SORCS3: variants seen among roughly 807,000 people sequenced by gnomAD.
The protein encoded by SORCS3 is sortilin related VPS10 domain containing receptor 3.
In SORCS3, 57 loss-of-function variants were observed where a neutral mutation model predicts 146.3. That is an observed-to-expected ratio of 0.39 (90% CI 0.31 to 0.49). The LOEUF (loss-of-function observed/expected upper bound fraction) is 0.49, where lower values mean the gene tolerates loss of function less well. SORCS3 is among the 20% of genes least tolerant of loss of function. The pLI is 0.92. For synonymous variants in SORCS3, 653 were observed against 618.5 expected, an observed-to-expected ratio of 1.06 and a Z score of -0.83; for missense variants, 1,341 against 1,575.5, an observed-to-expected ratio of 0.85 and a Z score of 2.52.
intron 2 of SORCS3, among the ~76,000 whole-genome samples, chr10:104,867,683 G>T (rs2133565509): frequency 6.6e-6 from 1 of 152,164 alleles, no homozygotes; most frequent in East Asian, 1.9e-4. Flanking sequence ...CACCCTACAT[G>T]CCCTGCTTGC....
chr10:104,823,213 GA>G (rs1353358741), intron 1 of SORCS3, among the ~76,000 whole-genome samples: 3 of 152,162 alleles, frequency 2.0e-5, no homozygotes, highest in Non-Finnish European at 2.9e-5. Context: ...CCAAGACAGG[GA>G]GGATGCACAA....
chr10:104,862,772 A>C (rs2018418913), intron 2 of SORCS3, among the ~76,000 whole-genome samples: 1 of 152,176 alleles, frequency 6.6e-6, no homozygotes, highest in Admixed American at 6.5e-5. Flanking sequence ...TTATCATAGT[A>C]TTGTTTTTCA....
At chr10:105,133,623 TCTC>T (rs2056037096) in intron 7 of SORCS3, among the ~76,000 whole-genome samples, 1 of 152,080 alleles carries the variant, frequency 6.6e-6, no homozygotes, top group Admixed American at 6.6e-5. Flanking sequence ...TTACTTCTGC[TCTC>T]CTAAGAAGAT....
At position 104,720,268 on chromosome 10, in the gene SORCS3, T is replaced by A. The variant is rs566474392; in HGVS notation, c.627+78314T>A. Among the ~76,000 whole-genome samples, 16 of 152,322 alleles carry A rather than the reference T, an allele frequency of 1.1e-4. No homozygotes were observed. The East Asian group carries it at 3.1e-3, about 29-fold the overall frequency. On this transcript the variant is annotated intron_variant, in intron 1 of 26. Transcript: ENST00000369701. ...TGCAATAGTTTGCTGAGAATGATGA[T>A]TTCCAGCTTCATTCATGTCCCTACA...
chr10:105,199,941 G>A lies in SORCS3; in HGVS notation c.2010-58G>A, dbSNP rs1355615765. 100 of 1,248,662 alleles carry A rather than the reference G, an allele frequency of 8.0e-5. 1 individual carries two copies. The East Asian group carries it at 2.3e-3, about 29-fold the overall frequency. 77.3% of individuals were successfully genotyped at this position (1,248,662 alleles called of 1,614,324 possible). A position where few individuals can be genotyped will look rare whatever the true frequency, so the allele number is the denominator to read the frequency against. Reference sequence around the variant, plus strand: ...TCTCCTTCCTAGTTTCTGTGCATTAGTGACTGACTATGGGACTTTCTCCCC... The same window carrying A: ...TCTCCTTCCTAGTTTCTGTGCATTAATGACTGACTATGGGACTTTCTCCCC... On this transcript the variant is annotated intron_variant, in intron 14 of 26. Transcript: ENST00000369701.
intron 1 of SORCS3, among the ~76,000 whole-genome samples, chr10:104,786,403 C>T (rs970864110): frequency 4.6e-5 from 7 of 151,762 alleles, no homozygotes; most frequent in Non-Finnish European, 8.8e-5. Flanking sequence ...AAAAAATTAG[C>T]CAGGTGTGGT....
intron 5 of SORCS3, among the ~76,000 whole-genome samples, chr10:105,064,416 A>G (rs57936493): frequency 0.059 from 8,970 of 152,114 alleles, 289 homozygotes; most frequent in Middle Eastern, 0.088. Context: ...GATGAGAGGG[A>G]ATTTATTAGG....
intron 1 of SORCS3, among the ~76,000 whole-genome samples, chr10:104,722,624 G>T (rs1246373500): frequency 2.0e-5 from 3 of 152,096 alleles, no homozygotes; most frequent in Non-Finnish European, 4.4e-5. Flanking sequence ...TTTTTTGGTT[G>T]GTAAGCTATT....
At chr10:105,093,776 A>G (rs1396452325) in intron 6 of SORCS3, among the ~76,000 whole-genome samples, 1 of 152,128 alleles carries the variant, frequency 6.6e-6, no homozygotes, top group Non-Finnish European at 1.5e-5. Context: ...ACTCTCATAC[A>G]TTGCTGGTGG....
intron 1 of SORCS3, among the ~76,000 whole-genome samples, chr10:104,770,700 G>A (rs1423111110): frequency 2.0e-5 from 3 of 151,680 alleles, no homozygotes; most frequent in African/African-American, 7.3e-5. Context: ...GGGTGTGGTG[G>A]CACACACCTG....
intron 2 of SORCS3, among the ~76,000 whole-genome samples, chr10:104,853,133 A>C (rs1160301557): frequency 6.6e-6 from 1 of 152,180 alleles, no homozygotes; most frequent in Non-Finnish European, 1.5e-5. Flanking sequence ...CCTCATCTCT[A>C]CTAAAAATAC....
chr10:104,896,946 C>T (rs2018804237), intron 2 of SORCS3, among the ~76,000 whole-genome samples: 1 of 152,046 alleles, frequency 6.6e-6, no homozygotes, highest in African/African-American at 2.4e-5. Context: ...GTCTAGAGTA[C>T]CAGGAATTAT....
intron 2 of SORCS3, among the ~76,000 whole-genome samples, chr10:104,888,319 T>C (rs958720729): frequency 5.3e-5 from 8 of 152,166 alleles, no homozygotes; most frequent in African/African-American, 1.9e-4. Flanking sequence ...ACTGGCTAAG[T>C]AGTTGGACCA....
At chr10:105,011,886 A>T (rs937698889) in intron 4 of SORCS3, among the ~76,000 whole-genome samples, 6 of 152,202 alleles carry the variant, frequency 3.9e-5, no homozygotes, top group Admixed American at 2.6e-4. Flanking sequence ...TAATATTTTT[A>T]AAAGTTATAG....
chr10:105,056,618 A>C (rs1202305602), intron 5 of SORCS3, among the ~76,000 whole-genome samples: 4 of 152,158 alleles, frequency 2.6e-5, no homozygotes, highest in African/African-American at 9.7e-5. Context: ...AAGTGCATTT[A>C]TATGCCACTC....
chr10:104,812,652 T>C (rs1344264736), intron 1 of SORCS3, among the ~76,000 whole-genome samples: 2 of 152,176 alleles, frequency 1.3e-5, no homozygotes, highest in African/African-American at 4.8e-5. Flanking sequence ...AATGGGCCTT[T>C]CCCATTGGAA....
chr10:104,827,404 A>C (rs2017949035), intron 1 of SORCS3, among the ~76,000 whole-genome samples: 1 of 152,218 alleles, frequency 6.6e-6, no homozygotes, highest in African/African-American at 2.4e-5. Context: ...ATCTTTGTAC[A>C]TCTCCATCGT....
chr10:104,985,997 C>T (rs190299381), intron 4 of SORCS3, among the ~76,000 whole-genome samples: 19 of 152,300 alleles, frequency 1.2e-4, no homozygotes, highest in African/African-American at 3.8e-4. Flanking sequence ...AACTTAAAGT[C>T]GTCAGCAGCG....
At chr10:105,060,773 A>C (rs2055480452) in intron 5 of SORCS3, among the ~76,000 whole-genome samples, 1 of 152,092 alleles carries the variant, frequency 6.6e-6, no homozygotes, top group African/African-American at 2.4e-5. Flanking sequence ...CCCCGTCTCT[A>C]TTAAAAATAT....
Sources: allele counts gnomAD v4.1 joint callset (sites outside exome capture counted in the v4.1 genomes callset), GRCh38; gene constraint gnomAD v4.1.1; transcripts MANE v1.5; gene names NCBI Gene and HGNC (gene_info 2026-07-23, HGNC 2026-07-21).